The following KDM4B variants were observed in gnomAD, a reference collection of about 807,000 sequenced individuals.
KDM4B encodes lysine demethylase 4B.
KDM4B carries 32 observed loss-of-function variants against 125.2 expected under a neutral mutation model. The ratio of observed to expected loss-of-function variants is 0.26; its 90% CI spans 0.19 to 0.34. The LOEUF (loss-of-function observed/expected upper bound fraction) is 0.34. Among genes scored for constraint, KDM4B ranks in the 10% least tolerant of loss-of-function variants. The pLI, the probability that KDM4B is intolerant of heterozygous loss-of-function variation, is 1.00. For synonymous variants in KDM4B, 721 were observed against 677.9 expected, an observed-to-expected ratio of 1.06 and a Z score of -0.99; for missense variants, 1,190 against 1,577.7, an observed-to-expected ratio of 0.75 and a Z score of 4.16.
intron 21 of KDM4B, among the ~76,000 whole-genome samples, chr19:5,146,195 C>T (rs1023348325): frequency 6.6e-6 from 1 of 151,042 alleles, no homozygotes; most frequent in East Asian, 2.0e-4. Flanking sequence ...AGGCCGGCCC[C>T]GCCCGGTCAC....
At chr19:5,048,041 C>T (rs1312844488) in intron 6 of KDM4B, among the ~76,000 whole-genome samples, 1 of 152,236 alleles carries the variant, frequency 6.6e-6, no homozygotes, top group Non-Finnish European at 1.5e-5. Context: ...GGGACACTGT[C>T]CATGCTGCCC....
chr19:5,144,494 T>C (rs1197893498), intron 20 of KDM4B, 82 bp downstream of exon 20: 1 of 498,000 alleles, frequency 2.0e-6, no homozygotes, highest in Non-Finnish European at 3.0e-6. Flanking sequence ...CACGGTGAGC[T>C]GTGGGGGTGG....
At chr19:5,084,306 A>G (rs1486347057) in intron 9 of KDM4B, among the ~76,000 whole-genome samples, 1 of 146,186 alleles carries the variant, frequency 6.8e-6, no homozygotes, top group African/African-American at 2.5e-5. Context: ...TAATTTATAT[A>G]TTATGTATAA....
chr19:5,082,364 C>A lies in KDM4B; in HGVS notation c.781-3C>A, dbSNP rs761962368. The A allele has an allele frequency of 1.5e-5, 25 of 1,613,406 alleles. No homozygotes were observed. In the Admixed American group the frequency reaches 4.0e-4, roughly 26 times the overall value. ...CCCTCACCTGTCTCCTTTCCCTCTG[C>A]AGATCACGCAGGAGGCCGGGGAATT... On this transcript the variant is annotated splice_region_variant and splice_polypyrimidine_tract_variant and intron_variant, in intron 8 of 22. Transcript: ENST00000159111. The surrounding 1 kb of genome is among the most constrained non-coding windows in gnomAD (Gnocchi z 5.4).
chr19:5,103,618 A>G (rs984528360), intron 9 of KDM4B, among the ~76,000 whole-genome samples: 2 of 152,158 alleles, frequency 1.3e-5, no homozygotes, highest in East Asian at 1.9e-4. Flanking sequence ...ACGGCCATCA[A>G]TCCCGGGCCT....
chr19:5,104,012 G>C (rs936646207), intron 9 of KDM4B, among the ~76,000 whole-genome samples: 9 of 152,242 alleles, frequency 5.9e-5, no homozygotes, highest in African/African-American at 2.2e-4. Context: ...GGAGCAGAAG[G>C]AGGGGCCCTC....
intron 2 of KDM4B, among the ~76,000 whole-genome samples, chr19:5,028,668 G>A (rs1353187987): frequency 6.6e-6 from 1 of 152,204 alleles, no homozygotes; most frequent in Non-Finnish European, 1.5e-5. Context: ...TTGCAGAGCA[G>A]CTGTCCCACG....
chr19:5,110,239 G>C (rs1182046454), intron 9 of KDM4B, among the ~76,000 whole-genome samples: 1 of 152,222 alleles, frequency 6.6e-6, no homozygotes, highest in Non-Finnish European at 1.5e-5. Flanking sequence ...GGGAGACTGA[G>C]GCAAGAGGAT....
At chr19:5,075,726 A>G (rs2038084793) in intron 7 of KDM4B, 1 of 152,386 alleles carries the variant, frequency 6.6e-6, no homozygotes, top group Admixed American at 6.5e-5. Flanking sequence ...ACACACATGT[A>G]CGCAGCCCAC....
At chr19:5,149,461 T>C (rs2039909073) in intron 21 of KDM4B, among the ~76,000 whole-genome samples, 1 of 152,214 alleles carries the variant, frequency 6.6e-6, no homozygotes, top group South Asian at 2.1e-4. Flanking sequence ...CATGCCACCA[T>C]GCCTGGCTTG....
intron 9 of KDM4B, among the ~76,000 whole-genome samples, chr19:5,096,178 C>T (rs747214079): frequency 6.7e-6 from 1 of 150,004 alleles, no homozygotes; most frequent in East Asian, 2.0e-4. Flanking sequence ...CTCTGCCTCC[C>T]GGGCTCAAGC....
In KDM4B at chr19:5,151,346, G is replaced by A. The variant is rs750185664; in HGVS notation, c.3126G>A (p.Thr1042=). 49 of 1,563,412 alleles carry A rather than the reference G, an allele frequency of 3.1e-5. No homozygotes were observed. The highest frequency in any genetic ancestry group is 9.8e-5 in the African/African-American group (7 of 71,556). ...KRVRSRLSLS[T]GAPQEPAFSG... ...CCGCTCTCCCGCAGTCACTGAGCAC[G>A]GGGGCACCGCAGGAGCCCGCCTTCT... The change falls in exon 23 of 23, where the codon ACG becomes ACA. Residue 1042 remains threonine (T), a synonymous_variant. Transcript: ENST00000159111.
At position 5,135,534 on chromosome 19, in the gene KDM4B, G is replaced by A. The variant is rs368195101; in HGVS notation, c.2281G>A (p.Gly761Ser). 1.1e-5 allele frequency: 17 copies of A among 1,604,902 alleles called. No homozygotes were observed. The highest frequency in any genetic ancestry group is 8.0e-5 in the African/African-American group (6 of 74,746). The change falls in exon 15 of 23, where the codon GGC (glycine) becomes AGC (serine). Residue 761 changes from glycine to serine, a missense_variant. Transcript: ENST00000159111. ...CGGGACCAGCCCCCTGATCGCCTGC[G>A]GCAAGTGCTGCCTGCAGGTCCATGC... is the stretch of plus-strand genomic sequence containing the variant. ...DDGTSPLIACGKCCLQVHASC... is the reference protein window; with the variant it reads ...DDGTSPLIACSKCCLQVHASC...
chr19:4,989,808 G>A (rs903827818), intron 1 of KDM4B, among the ~76,000 whole-genome samples: 1 of 152,068 alleles, frequency 6.6e-6, no homozygotes, highest in African/African-American at 2.4e-5. Context: ...ATGCGCCACT[G>A]TGCCCGGCTA....
chr19:4,998,736 G>C (rs1473456566), intron 1 of KDM4B, among the ~76,000 whole-genome samples: 7 of 152,170 alleles, frequency 4.6e-5, no homozygotes, highest in Non-Finnish European at 7.3e-5. Flanking sequence ...TTAACCTGGG[G>C]CTGCTCCTGA....
intron 1 of KDM4B, among the ~76,000 whole-genome samples, chr19:4,987,977 G>A (rs977823997): frequency 1.3e-5 from 2 of 152,204 alleles, no homozygotes; most frequent in Non-Finnish European, 2.9e-5. Flanking sequence ...CCCCCAGCTC[G>A]GCCACTTCCT....
At chr19:5,036,664 C>T (rs1030447304) in intron 3 of KDM4B, among the ~76,000 whole-genome samples, 1 of 152,256 alleles carries the variant, frequency 6.6e-6, no homozygotes, top group African/African-American at 2.4e-5. Context: ...ATCTGGCCCC[C>T]CAGGAGCCCC....
rs2039234479 is a variant in KDM4B at position 5,115,331 on chromosome 19, G to A, written c.1116-4322G>A. ...ACAGTGGGTGGCTCTGGGCAGAAGG[G>A]AGGCGCCTTCCTGGGGTCAGCAGTG... On this transcript the variant is annotated intron_variant, in intron 10 of 22. Transcript: ENST00000159111. The surrounding 1 kb of genome is among the most constrained non-coding windows in gnomAD (Gnocchi z 4.2). 6.6e-6 allele frequency among the ~76,000 whole-genome samples: 1 copy of A among 152,102 alleles called. No homozygotes were observed. The highest frequency in any genetic ancestry group is 1.5e-5 in the Non-Finnish European group (1 of 68,012).
intron 1 of KDM4B, among the ~76,000 whole-genome samples, chr19:4,992,256 G>A (rs550935395): frequency 7.9e-5 from 12 of 152,204 alleles, no homozygotes; most frequent in African/African-American, 2.9e-4. Flanking sequence ...TTCATTGGCT[G>A]TCTCTATTTT....
Sources: allele counts gnomAD v4.1 joint callset (sites outside exome capture counted in the v4.1 genomes callset), GRCh38; gene constraint gnomAD v4.1.1; non-coding constraint Gnocchi (gnomAD v3.1); transcripts MANE v1.5; gene names NCBI Gene and HGNC (gene_info 2026-07-23, HGNC 2026-07-21).